The following ZNF83 variants were observed in gnomAD, a reference collection of about 807,000 sequenced individuals.
ZNF83 encodes the protein zinc finger protein 83, also known as zinc finger protein 816B.
For synonymous variants in ZNF83, 209 were observed against 213.0 expected (o/e 0.98, Z 0.17); for missense variants, 552 against 629.9 (o/e 0.88, Z 1.32).
At chr19:52,612,725 T>C (rs10383) in exon 3 of ZNF83, 202 of 413,142 alleles carry the variant, frequency 4.9e-4, no homozygotes, top group African/African-American at 3.8e-3. Flanking sequence ...TTTGCAATAT[T>C]GTACAATGTG....
At chr19:52,659,944 C>T (rs749244718) in intron 2 of ZNF83, among the ~76,000 whole-genome samples, 2 of 152,078 alleles carry the variant, frequency 1.3e-5, no homozygotes, top group South Asian at 2.1e-4. Flanking sequence ...TGTAATCCCA[C>T]GACCTTGGGA....
chr19:52,631,054 T>G (rs367890501), intron 2 of ZNF83, among the ~76,000 whole-genome samples: 366 of 147,656 alleles, frequency 2.5e-3, no homozygotes, highest in Non-Finnish European at 4.2e-3. Context: ...CTTTGCACCC[T>G]TCATCCCAGC....
chr19:52,625,573 A>G (rs2060708043), intron 2 of ZNF83, among the ~76,000 whole-genome samples: 2 of 152,180 alleles, frequency 1.3e-5, no homozygotes, highest in Non-Finnish European at 2.9e-5. Flanking sequence ...CATATATCAC[A>G]GAAACAATTG....
chr19:52,675,887 A>G (rs1350718383), intron 1 of ZNF83, among the ~76,000 whole-genome samples: 1 of 152,214 alleles, frequency 6.6e-6, no homozygotes, highest in Non-Finnish European at 1.5e-5. Flanking sequence ...ATATGGGCAA[A>G]GGACAAGAAT....
chr19:52,624,751 C>T (rs951912410), intron 2 of ZNF83, among the ~76,000 whole-genome samples: 14 of 152,170 alleles, frequency 9.2e-5, no homozygotes, highest in Admixed American at 6.6e-4. Context: ...ATGATGTCTC[C>T]GTGCAGCTAC....
upstream of ZNF83, among the ~76,000 whole-genome samples, chr19:52,641,716 G>C (rs1216964678): frequency 6.6e-6 from 1 of 151,950 alleles, no homozygotes; most frequent in Admixed American, 6.6e-5. Context: ...TCATGAGCTT[G>C]TGAACCAAAA....
intron 1 of ZNF83, among the ~76,000 whole-genome samples, chr19:52,666,176 AAAG>A (rs1198056022): frequency 2.6e-5 from 4 of 151,260 alleles, no homozygotes; most frequent in Non-Finnish European, 5.9e-5. Context: ...AAAAAAAAAA[AAAG>A]AAAGAGACAG....
At chr19:52,676,076 C>T (rs916222994) in intron 1 of ZNF83, among the ~76,000 whole-genome samples, 2 of 152,034 alleles carry the variant, frequency 1.3e-5, no homozygotes, top group Non-Finnish European at 2.9e-5. Flanking sequence ...ACTGCAACCT[C>T]CCTGCCTGAT....
chr19:52,668,689 T>C (rs2061685365), intron 1 of ZNF83, among the ~76,000 whole-genome samples: 1 of 152,202 alleles, frequency 6.6e-6, no homozygotes, highest in Non-Finnish European at 1.5e-5. Flanking sequence ...TATAAAGATG[T>C]AAATGCCTGG....
At chr19:52,624,116 A>G (rs1220237551) in intron 2 of ZNF83, among the ~76,000 whole-genome samples, 1 of 152,102 alleles carries the variant, frequency 6.6e-6, no homozygotes, top group Non-Finnish European at 1.5e-5. Flanking sequence ...GATAGCCCTC[A>G]TTACTTCAGC....
At chr19:52,651,013 C>T (rs2061434992) in intron 3 of ZNF83, 1 of 152,182 alleles carries the variant, frequency 6.6e-6, no homozygotes, top group Non-Finnish European at 1.5e-5. Context: ...AGGTTTAAAA[C>T]CTCTAATTGA....
At chr19:52,687,388 TA>T (rs2062037098) in intron 1 of ZNF83, among the ~76,000 whole-genome samples, 2 of 60,588 alleles carry the variant, frequency 3.3e-5, no homozygotes, top group African/African-American at 3.6e-4. Flanking sequence ...AATTTATATA[TA>T]TATAATTTAT....
At chr19:52,687,609 ATAATGTG>A (rs1281758798) in intron 1 of ZNF83, among the ~76,000 whole-genome samples, 2 of 19,422 alleles carry the variant, frequency 1.0e-4, no homozygotes, top group Admixed American at 5.3e-4. Context: ...GTATATATAT[ATAATGTG>A]TATATATATA....
chr19:52,635,101 T>A lies in ZNF83; in HGVS notation c.-269A>T, dbSNP rs778627687. ...ACCATTCCTGACGCCTTTGCTTTCC[T>A]CTTCCCCTTCCGGGTTTCTTCCTCA... On this transcript the variant is annotated 5_prime_UTR_variant, in exon 2 of 3. Transcript: ENST00000301096. 24 of 701,792 alleles carry A rather than the reference T, an allele frequency of 3.4e-5. No homozygotes were observed. In the Middle Eastern group the frequency reaches 9.9e-4, roughly 29 times the overall value. The allele number at this position is 701,792 out of a possible 1,614,324, so 43.5% of individuals were successfully genotyped here.
At chr19:52,632,688 C>T (rs406232) in intron 2 of ZNF83, among the ~76,000 whole-genome samples, 78,537 of 152,014 alleles carry the variant, frequency 0.52, 21,321 homozygotes, top group East Asian at 0.69. Flanking sequence ...TCCTTAGGCA[C>T]TCTCTAGTAT....
intron 1 of ZNF83, among the ~76,000 whole-genome samples, chr19:52,670,962 A>C (rs2061716765): frequency 6.6e-6 from 1 of 152,202 alleles, no homozygotes; most frequent in Non-Finnish European, 1.5e-5. Context: ...CTTCAGAGAA[A>C]ATAGATGATG....
At chr19:52,631,219 T>A (rs2060947040) in intron 2 of ZNF83, among the ~76,000 whole-genome samples, 1 of 151,662 alleles carries the variant, frequency 6.6e-6, no homozygotes, top group Non-Finnish European at 1.5e-5. Flanking sequence ...ATAATTCTCA[T>A]AAAAACACAT....
chr19:52,672,048 AC>A (rs1396024391), intron 1 of ZNF83, among the ~76,000 whole-genome samples: 2 of 152,148 alleles, frequency 1.3e-5, no homozygotes, highest in African/African-American at 4.8e-5. Flanking sequence ...AGCCTGGCTA[AC>A]ATGGTGAAAC....
chr19:52,643,861 G>C (rs1419567130), intron 3 of ZNF83, among the ~76,000 whole-genome samples: 2 of 152,188 alleles, frequency 1.3e-5, no homozygotes, highest in Non-Finnish European at 2.9e-5. Context: ...TGTAAGAGCA[G>C]GGACAATAAC....
Sources: gnomAD v4.1 joint callset for allele counts (sites outside exome capture counted in the v4.1 genomes callset) on GRCh38, gnomAD v4.1.1 for gene constraint, MANE v1.5 for transcripts, NCBI Gene and HGNC (gene_info 2026-07-23, HGNC 2026-07-21) for gene names.